BTN2A2: variants seen among roughly 807,000 people sequenced by gnomAD.
The protein encoded by BTN2A2 is butyrophilin 2.
A neutral mutation model predicts 34.7 loss-of-function variants in BTN2A2; 29 were observed. The ratio of observed to expected loss-of-function variants is 0.84; its 90% CI spans 0.62 to 1.14. The LOEUF (loss-of-function observed/expected upper bound fraction) is 1.14, where lower values mean the gene tolerates loss of function less well. Ranked by LOEUF, BTN2A2 falls within the 50% of genes most tolerant of loss-of-function variation. BTN2A2 has a pLI of 0.00. For missense variants in BTN2A2, 612 were observed against 651.5 expected, an observed-to-expected ratio of 0.94 and a Z score of 0.66; for synonymous variants, 240 against 253.1, an observed-to-expected ratio of 0.95 and a Z score of 0.49.
chr6:26,391,712 T>C (rs1013304220), intron 7 of BTN2A2: 2 of 156,856 alleles, frequency 1.3e-5, no homozygotes, highest in African/African-American at 2.4e-5. Context: ...TCCTGGTAGA[T>C]GTCAGACTCA....
In BTN2A2 at chr6:26,394,406, A is replaced by G. The variant is rs935622788; in HGVS notation, c.*1439A>G. ...GAGATTGGCAAGTGAGTCAGTGGGAAATTCTCTCCTTCTGTTGGCTGGGTG... is the reference window on the plus strand; with the variant it reads ...GAGATTGGCAAGTGAGTCAGTGGGAGATTCTCTCCTTCTGTTGGCTGGGTG... On this transcript the variant is annotated 3_prime_UTR_variant, in exon 8 of 8. Coordinates refer to ENST00000356709, the MANE Select transcript of BTN2A2 (RefSeq NM_006995.5). 3 of 676,068 alleles carry G rather than the reference A, an allele frequency of 4.4e-6. No individual in the cohort carries two copies. The highest frequency in any genetic ancestry group is 8.1e-6 in the Non-Finnish European group (3 of 369,726). The allele number at this position is 676,068 out of a possible 1,614,324, so 41.9% of individuals were successfully genotyped here.
rs1425770271 is a variant in BTN2A2 at position 26,394,250 on chromosome 6, C to A, written c.*1283C>A. The A allele has an allele frequency of 1.7e-5, 12 of 699,950 alleles. No homozygotes were observed. Among genetic ancestry groups the A allele is most frequent in the Non-Finnish European group, 2.6e-5 (10 of 384,312 alleles). 43.4% of individuals were successfully genotyped at this position (699,950 alleles called of 1,614,324 possible). On this transcript the variant is annotated 3_prime_UTR_variant, in exon 8 of 8. Transcript: ENST00000356709. Reference sequence around the variant, plus strand: ...GGAATCCCAAAACCACATTTTGAAACTAGAATAGTGGATCCTGGAAGTTAA... The same window carrying A: ...GGAATCCCAAAACCACATTTTGAAAATAGAATAGTGGATCCTGGAAGTTAA...
chr6:26,383,948 C>T lies in BTN2A2; in HGVS notation c.94+33C>T. 2 of 1,594,426 alleles carry T rather than the reference C, an allele frequency of 1.3e-6. No individual in the cohort carries two copies. Among genetic ancestry groups the T allele is most frequent in the East Asian group, 4.5e-5 (2 of 44,778 alleles). ...TGTGTGTCACTTGCTGCTGTCACCT[C>T]TCAGAAAGGAACATCAACCCTGTAG... is the stretch of plus-strand genomic sequence containing the variant. On this transcript the variant is annotated intron_variant, in intron 2 of 7. Transcript: ENST00000356709. This position sits in a 1 kb window ranked among gnomAD's most constrained non-coding sequence, Gnocchi z 4.4.
intron 7 of BTN2A2, 155 bp downstream of exon 7, chr6:26,390,984 A>G (rs1581605023): frequency 4.4e-6 from 5 of 1,131,286 alleles, no homozygotes; most frequent in South Asian, 1.3e-5. Flanking sequence ...ATGATGCATC[A>G]TGGCTCTTCT....
In BTN2A2 at chr6:26,390,021, C is replaced by T. The variant is rs756179834; in HGVS notation, c.741C>T (p.Ser247=). 1.7e-5 allele frequency: 28 copies of T among 1,613,612 alleles called. No homozygotes were observed. The highest frequency in any genetic ancestry group is 5.3e-5 in the African/African-American group (4 of 74,886). The change falls in exon 5 of 8, where the codon AGC becomes AGT. Residue 247 remains serine, a synonymous_variant. Transcript: ENST00000356709. ...VIFIPESFMP[S]ASPWMVALAV... ...CCTTTTCAGAATCCTTTATGCCCAG[C>T]GCATCTCCCTGGATGGTGGCCCTAG...
At chr6:26,387,795 A>G (rs1358515292) in intron 3 of BTN2A2, among the ~76,000 whole-genome samples, 3 of 152,326 alleles carry the variant, frequency 2.0e-5, no homozygotes, top group South Asian at 4.1e-4. Context: ...CATTTATAGC[A>G]GACAGATAGA....
In BTN2A2 at chr6:26,394,533, C is replaced by T. The variant is rs73387026; in HGVS notation, c.*1566C>T. ...TTGGACATCAGAACTCCTGGCTCTC[C>T]GGCCTTTGAACTTCAGGACTTGTAC... is the stretch of plus-strand genomic sequence containing the variant. On this transcript the variant is annotated 3_prime_UTR_variant, in exon 8 of 8. Transcript: ENST00000356709. 1,156 of 510,126 alleles carry T rather than the reference C, an allele frequency of 2.3e-3. 7 individuals carry two copies. Among genetic ancestry groups the T allele is most frequent in the East Asian group, 0.018 (587 of 31,926 alleles). The allele number at this position is 510,126 out of a possible 1,614,324, so 31.6% of individuals were successfully genotyped here.
chr6:26,391,212 TGCA>T, intron 7 of BTN2A2: 1 of 330,160 alleles, frequency 3.0e-6, no homozygotes, highest in South Asian at 3.6e-5. Context: ...GTATAGACTG[TGCA>T]CAGTTGAAGA....
chr6:26,385,499 T>TG, intron 3 of BTN2A2, 137 bp downstream of exon 3: 1 of 824,328 alleles, frequency 1.2e-6, no homozygotes, highest in Non-Finnish European at 1.9e-6. Flanking sequence ...TGGCTTCCTC[T>TG]TGCACAAAGG....
At position 26,384,262 on chromosome 6, in the gene BTN2A2, A is replaced by G. The variant is rs1293937178; in HGVS notation, c.94+347A>G. ...ACTCCTGGGCTCAAGGGATCCTCCC[A>G]TCTCAGCCTCCCAAGTAGCTGAGAG... is the stretch of plus-strand genomic sequence containing the variant. On this transcript the variant is annotated intron_variant, in intron 2 of 7. Transcript: ENST00000356709. This position sits in a 1 kb window ranked among gnomAD's most constrained non-coding sequence, Gnocchi z 4.0. Among the ~76,000 whole-genome samples the G allele has an allele frequency of 1.3e-5, 2 of 152,312 alleles. No homozygotes were observed.
chr6:26,390,882 T>A (rs1437131779), intron 7 of BTN2A2, 53 bp downstream of exon 7: 2 of 1,612,734 alleles, frequency 1.2e-6, no homozygotes, highest in African/African-American at 2.7e-5. Flanking sequence ...ACTAGCCAGC[T>A]AACAGGACTC....
chr6:26,393,563 A>G lies in BTN2A2; in HGVS notation c.*596A>G, dbSNP rs1581612762. Reference sequence around the variant, plus strand: ...CAGGATTTCCACAGCACACACCCACAGGCCTGGACCTGGGATGAAGATGAA... The same window carrying G: ...CAGGATTTCCACAGCACACACCCACGGGCCTGGACCTGGGATGAAGATGAA... On this transcript the variant is annotated 3_prime_UTR_variant, in exon 8 of 8. Transcript: ENST00000356709. The G allele has an allele frequency of 1.3e-5, 13 of 1,008,222 alleles. No homozygotes were observed. The highest frequency in any genetic ancestry group is 1.0e-4 in the Admixed American group (2 of 19,098). 62.5% of individuals were successfully genotyped at this position (1,008,222 alleles called of 1,614,324 possible). A position where few individuals can be genotyped will look rare whatever the true frequency, so the allele number is the denominator to read the frequency against.
rs201995913 is a variant in BTN2A2 at position 26,388,292 on chromosome 6, C to T, written c.722C>T (p.Pro241Leu). ...GAGAAGGAAACTGTCATTTTTATTC[C>T]AGGTTAGTTCTCTGCCCTCTGAGAC... ...GQEKETVIFI[P>L]ESFMPSASPW... is the part of the protein sequence containing the mutation. Residue 241 changes from proline to leucine, a missense_variant and splice_region_variant, in exon 4 of 8, where the codon CCA becomes CTA. Physicochemically the swap from Pro to Leu is moderately conservative, Grantham distance 98. Coordinates refer to ENST00000356709, the MANE Select transcript of BTN2A2 (RefSeq NM_006995.5). 26 of 1,613,794 alleles carry T rather than the reference C, an allele frequency of 1.6e-5. No homozygotes were observed. The highest frequency in any genetic ancestry group is 2.2e-5 in the Non-Finnish European group (26 of 1,179,848).
Position 26,389,924 on chromosome 6 carries a change from C to A in BTN2A2, c.725-81C>A, listed in dbSNP as rs759626765. On this transcript the variant is annotated intron_variant, in intron 4 of 7. Coordinates refer to ENST00000356709, the MANE Select transcript of BTN2A2 (RefSeq NM_006995.5). Reference sequence around the variant, plus strand: ...GCCAACAGAACAGGTGGCTGAGGAGCTCTTCAGATGTGCTCTTAGGGGCAC... The same window carrying A: ...GCCAACAGAACAGGTGGCTGAGGAGATCTTCAGATGTGCTCTTAGGGGCAC... The A allele has an allele frequency of 1.8e-4, 246 of 1,338,984 alleles. 2 individuals carry two copies. Among genetic ancestry groups the A allele is most frequent in the South Asian group, 1.8e-3 (132 of 74,002 alleles). 82.9% of individuals were successfully genotyped at this position (1,338,984 alleles called of 1,614,324 possible). A position where few individuals can be genotyped will look rare whatever the true frequency, so the allele number is the denominator to read the frequency against.
intron 7 of BTN2A2, chr6:26,391,477 A>G (rs1761573501): frequency 6.5e-6 from 1 of 154,394 alleles, no homozygotes; most frequent in Admixed American, 6.4e-5. Context: ...AAACTTTACC[A>G]GATACCAGGG....
intron 5 of BTN2A2, 66 bp from the exon 6 acceptor site, chr6:26,390,621 T>C (rs1761516651): frequency 6.2e-7 from 1 of 1,607,552 alleles, no homozygotes; most frequent in African/African-American, 1.3e-5. Context: ...CGTTGTTTAA[T>C]ACAAGCTCAA....
Position 26,389,998 on chromosome 6 carries a change from T to C in BTN2A2, c.725-7T>C, listed in dbSNP as rs779338234. ...AACTAAATGGACTTTTCTGGCTGCC[T>C]TTTCAGAATCCTTTATGCCCAGCGC... is the stretch of plus-strand genomic sequence containing the variant. On this transcript the variant is annotated splice_polypyrimidine_tract_variant and splice_region_variant and intron_variant, in intron 4 of 7. Transcript: ENST00000356709. 1.2e-6 allele frequency: 2 copies of C among 1,610,032 alleles called. No individual in the cohort carries two copies. The highest frequency in any genetic ancestry group is 1.7e-6 in the Non-Finnish European group (2 of 1,178,078).
At chr6:26,387,676 G>A (rs926385421) in intron 3 of BTN2A2, among the ~76,000 whole-genome samples, 10 of 152,102 alleles carry the variant, frequency 6.6e-5, no homozygotes, top group Admixed American at 2.6e-4. Flanking sequence ...CTGCAGAGAA[G>A]TCATCCCAGG....
Position 26,385,108 on chromosome 6 carries a change from C to G in BTN2A2, c.188C>G (p.Ala63Gly), listed in dbSNP as rs781579797. The G allele has an allele frequency of 6.2e-7, 1 of 1,613,868 alleles. No homozygotes were observed. The highest frequency in any genetic ancestry group is 8.5e-7 in the Non-Finnish European group (1 of 1,179,988). ...TGCCATCTGTCACCCGAGAAAAATG[C>G]TGAGGACATGGAGGTGCGGTGGTTC... is the stretch of plus-strand genomic sequence containing the variant. ...LRCHLSPEKN[A>G]EDMEVRWFRS... The change falls in exon 3 of 8, where the codon GCT (alanine) becomes GGT (glycine). Residue 63 changes from alanine (A) to glycine (G), a missense_variant. Ala to Gly is a moderately conservative substitution (Grantham distance 60). Coordinates refer to ENST00000356709, the MANE Select transcript of BTN2A2 (RefSeq NM_006995.5).
Sources: allele counts gnomAD v4.1 joint callset (sites outside exome capture counted in the v4.1 genomes callset), GRCh38; gene constraint gnomAD v4.1.1; non-coding constraint Gnocchi (gnomAD v3.1); transcripts MANE v1.5; gene names NCBI Gene and HGNC (gene_info 2026-07-23, HGNC 2026-07-21).